Variants in TNNI3K observed in about 807,000 individuals in gnomAD.
TNNI3K encodes the protein serine/threonine-protein kinase TNNI3K.
TNNI3K carries 140 observed loss-of-function variants against 114.5 expected under a neutral mutation model. The ratio of observed to expected loss-of-function variants is 1.22; its 90% CI spans 1.07 to 1.41. The LOEUF (loss-of-function observed/expected upper bound fraction) is 1.41. TNNI3K is among the 40% of genes most tolerant of loss of function. The pLI is 0.00. For synonymous variants in TNNI3K, 347 were observed against 347.5 expected (o/e 1.00, Z 0.02); for missense variants, 1,125 against 1,007.6 (o/e 1.12, Z -1.58).
chr1:74,292,240 A>T (rs927726655), intron 5 of TNNI3K, among the ~76,000 whole-genome samples: 2 of 150,898 alleles, frequency 1.3e-5, no homozygotes, highest in African/African-American at 4.9e-5. Context: ...TTTTTAATCA[A>T]TTTCTGCTTT....
chr1:74,508,525 A>C (rs1670021996), intron 23 of TNNI3K, among the ~76,000 whole-genome samples: 1 of 152,230 alleles, frequency 6.6e-6, no homozygotes, highest in Non-Finnish European at 1.5e-5. Context: ...CTGGACACCA[A>C]ACTCCACAAA....
intron 5 of TNNI3K, among the ~76,000 whole-genome samples, chr1:74,293,012 G>C (rs1472846801): frequency 6.6e-6 from 1 of 151,494 alleles, no homozygotes; most frequent in Non-Finnish European, 1.5e-5. Context: ...AATAATATGT[G>C]ACTTTATTGC....
chr1:74,303,268 A>T (rs565685393), intron 5 of TNNI3K, among the ~76,000 whole-genome samples: 9 of 152,194 alleles, frequency 5.9e-5, no homozygotes, highest in African/African-American at 2.2e-4. Flanking sequence ...ATCTTGGCTC[A>T]CTGCAACCTC....
In TNNI3K at chr1:74,544,004, G is replaced by C; in HGVS notation, c.*22G>C. 3.1e-6 allele frequency: 5 copies of C among 1,603,660 alleles called. No individual in the cohort carries two copies. Among genetic ancestry groups the C allele is most frequent in the Non-Finnish European group, 4.3e-6 (5 of 1,176,182 alleles). The stretch of plus-strand genomic sequence containing the variant: ...CTGACAGCATTCGGCGTATACCTAA[G>C]GAGAGTTTTTTCCCCGAACTGACAG... On this transcript the variant is annotated 3_prime_UTR_variant, in exon 25 of 25. Transcript: ENST00000326637.
chr1:74,300,799 T>C (rs1256093953), intron 5 of TNNI3K, among the ~76,000 whole-genome samples: 1 of 151,236 alleles, frequency 6.6e-6, no homozygotes, highest in Admixed American at 6.6e-5. Context: ...AATGCCAGTT[T>C]TGTTGTTTGC....
intron 19 of TNNI3K, among the ~76,000 whole-genome samples, 174 bp downstream of exon 19, chr1:74,436,700 C>T (rs1264356971): frequency 6.6e-6 from 1 of 151,904 alleles, no homozygotes; most frequent in African/African-American, 2.4e-5. Context: ...TATCTCAAGG[C>T]TCTACTAGAG....
At chr1:74,374,304 CATTT>C (rs1405024093) in intron 17 of TNNI3K, 1 of 151,734 alleles carries the variant, frequency 6.6e-6, no homozygotes, top group Non-Finnish European at 1.5e-5. Flanking sequence ...TAATACCTAC[CATTT>C]ATTTATCACC....
At chr1:74,387,409 C>A (rs888025274) in intron 17 of TNNI3K, among the ~76,000 whole-genome samples, 2 of 152,134 alleles carry the variant, frequency 1.3e-5, no homozygotes, top group Admixed American at 6.5e-5. Flanking sequence ...GTATAATCAG[C>A]AAGAATACAC....
chr1:74,379,335 G>GCA lies in TNNI3K; in HGVS notation c.1772+8961_1772+8962dup, dbSNP rs59962221. Reference sequence around the variant, plus strand: ...TGTCAGTAAACACACATACACGCGCGCACACACACACACACACACTTTTTT... The same window carrying GCA: ...TGTCAGTAAACACACATACACGCGCGCACACACACACACACACACACTTTTTT... On this transcript the variant is annotated intron_variant, in intron 17 of 24. Coordinates refer to ENST00000326637, the MANE Select transcript of TNNI3K (RefSeq NM_015978.3). Among the ~76,000 whole-genome samples, 60 of 150,574 alleles carry GCA rather than the reference G, an allele frequency of 4.0e-4. 1 individual carries two copies. Among genetic ancestry groups the GCA allele is most frequent in the African/African-American group, 1.1e-3 (46 of 40,962 alleles).
intron 5 of TNNI3K, among the ~76,000 whole-genome samples, chr1:74,293,010 G>A (rs1180755513): frequency 6.6e-6 from 1 of 151,482 alleles, no homozygotes; most frequent in Non-Finnish European, 1.5e-5. Context: ...TTAATAATAT[G>A]TGACTTTATT....
At chr1:74,370,437 G>T (rs1270165149) in intron 17 of TNNI3K, 45 bp downstream of exon 17, 1 of 1,532,012 alleles carries the variant, frequency 6.5e-7, no homozygotes, top group Non-Finnish European at 8.9e-7. Context: ...ATGACTAACT[G>T]GGAGTTTAAG....
At chr1:74,496,468 T>G (rs530877624) in intron 23 of TNNI3K, among the ~76,000 whole-genome samples, 1 of 152,316 alleles carries the variant, frequency 6.6e-6, no homozygotes, top group South Asian at 2.1e-4. Context: ...TACTAATGTA[T>G]GGATGTGGGG....
At chr1:74,540,393 C>T (rs1646712643) in intron 24 of TNNI3K, 80 bp downstream of exon 24, 2 of 1,283,192 alleles carry the variant, frequency 1.6e-6, no homozygotes, top group East Asian at 4.8e-5. Context: ...AGGGAGAAAG[C>T]ATTGCATATT....
intron 9 of TNNI3K, among the ~76,000 whole-genome samples, chr1:74,352,370 C>G (rs1469094629): frequency 6.6e-6 from 1 of 152,188 alleles, no homozygotes; most frequent in Non-Finnish European, 1.5e-5. Context: ...AGGTGTCAGT[C>G]TGCCCCTACT....
At position 74,539,946 on chromosome 1, in the gene TNNI3K, C is replaced by A. The variant is rs530394021; in HGVS notation, c.2352-288C>A. On this transcript the variant is annotated intron_variant, in intron 23 of 24. Coordinates refer to ENST00000326637, the MANE Select transcript of TNNI3K (RefSeq NM_015978.3). The stretch of plus-strand genomic sequence containing the variant: ...GCACAAACTGGAAATTATTTATGTT[C>A]TTTTCCTATTTTACAGGTAAATAAA... 7.2e-5 allele frequency among the ~76,000 whole-genome samples: 11 copies of A among 152,006 alleles called. No homozygotes were observed. The East Asian group carries it at 1.7e-3, about 24-fold the overall frequency.
intron 23 of TNNI3K, among the ~76,000 whole-genome samples, chr1:74,531,690 A>C (rs1034347416): frequency 6.6e-6 from 1 of 152,174 alleles, no homozygotes; most frequent in Non-Finnish European, 1.5e-5. Flanking sequence ...TCTTTGTATT[A>C]GTTCCTTAGA....
intron 23 of TNNI3K, among the ~76,000 whole-genome samples, chr1:74,516,929 T>C (rs1266256567): frequency 6.6e-6 from 1 of 152,192 alleles, no homozygotes; most frequent in African/African-American, 2.4e-5. Flanking sequence ...CAGTATTTTC[T>C]CCAGCAACCT....
chr1:74,341,664 T>A (rs1459980098), intron 7 of TNNI3K: 4 of 152,146 alleles, frequency 2.6e-5, no homozygotes, highest in African/African-American at 9.7e-5. Context: ...AGAATCTTCT[T>A]CCTCAGAACA....
intron 4 of TNNI3K, among the ~76,000 whole-genome samples, chr1:74,265,300 C>T (rs189944125): frequency 2.0e-4 from 31 of 152,110 alleles, no homozygotes; most frequent in African/African-American, 6.3e-4. Context: ...CAATACAGAG[C>T]TGCTAAAATC....
Sources: gnomAD v4.1 joint callset for allele counts (sites outside exome capture counted in the v4.1 genomes callset) on GRCh38, gnomAD v4.1.1 for gene constraint, MANE v1.5 for transcripts, NCBI Gene and HGNC (gene_info 2026-07-23, HGNC 2026-07-21) for gene names.